The following DEGS1 variants were observed in gnomAD, a reference collection of about 807,000 sequenced individuals.
DEGS1 encodes delta 4-desaturase, sphingolipid 1.
Under a neutral mutation model 24.1 loss-of-function variants are expected in DEGS1, and 17 were observed. That is an observed-to-expected ratio of 0.70 (90% CI 0.48 to 1.06). The LOEUF (loss-of-function observed/expected upper bound fraction) is 1.06, where lower values mean the gene tolerates loss of function less well. Ranked by LOEUF, DEGS1 falls within the 50% of genes least tolerant of loss-of-function variation. The pLI, the probability that DEGS1 is intolerant of heterozygous loss-of-function variation, is 0.00. For missense variants in DEGS1, 366 were observed against 408.9 expected (o/e 0.90, Z 0.91); for synonymous variants, 134 against 140.0 (o/e 0.96, Z 0.30).
In DEGS1 at chr1:224,190,166, A is replaced by G. The variant is rs1203256165; in HGVS notation, c.672A>G (p.Pro224=). The G allele has an allele frequency of 6.3e-6, 10 of 1,591,410 alleles. No homozygotes were observed. The highest frequency in any genetic ancestry group is 8.5e-6 in the Non-Finnish European group (10 of 1,170,112). The change falls in exon 2 of 3, where the codon CCA becomes CCG. Residue 224 remains proline, a synonymous_variant. Coordinates refer to ENST00000323699, the MANE Select transcript of DEGS1 (RefSeq NM_003676.4). ...AASLLGLGLH[P]ISGHFIAEHY... Reference sequence around the variant, plus strand: ...CTTTACTTGGCCTGGGTTTGCACCCAATTTCTGGACATTTTATAGCTGAGC... The same window carrying G: ...CTTTACTTGGCCTGGGTTTGCACCCGATTTCTGGACATTTTATAGCTGAGC...
At chr1:224,191,590 C>CTTTTT (rs748181749) in intron 2 of DEGS1, among the ~76,000 whole-genome samples, 32 of 53,316 alleles carry the variant, frequency 6.0e-4, no homozygotes, top group East Asian at 2.0e-3. Flanking sequence ...TTGATAAGTG[C>CTTTTT]TTTTTTTTTT....
At chr1:224,185,652 C>T (rs1658365579) in intron 1 of DEGS1, among the ~76,000 whole-genome samples, 1 of 152,192 alleles carries the variant, frequency 6.6e-6, no homozygotes, top group Non-Finnish European at 1.5e-5. Flanking sequence ...AGACGCCCGC[C>T]ACCATACCTG....
intron 1 of DEGS1, among the ~76,000 whole-genome samples, chr1:224,185,994 T>A (rs923979536): frequency 6.6e-6 from 1 of 151,936 alleles, no homozygotes; most frequent in Non-Finnish European, 1.5e-5. Context: ...TGAGGCCAGT[T>A]CAGAACAGCC....
At chr1:224,185,980 C>T (rs1438939871) in intron 1 of DEGS1, among the ~76,000 whole-genome samples, 1 of 151,870 alleles carries the variant, frequency 6.6e-6, no homozygotes, top group East Asian at 1.9e-4. Flanking sequence ...GCAAGAAGAT[C>T]GCTTGAGGCC....
chr1:224,183,964 C>A (rs1658308503), intron 1 of DEGS1: 1 of 152,754 alleles, frequency 6.5e-6, no homozygotes, highest in South Asian at 2.1e-4. Flanking sequence ...CGGCCGCAGT[C>A]CCGGCCTTGG....
At position 224,190,255 on chromosome 1, in the gene DEGS1, T is replaced by C. The variant is rs764668129; in HGVS notation, c.761T>C (p.Phe254Ser). 6.6e-7 allele frequency: 1 copy of C among 1,513,850 alleles called. No individual in the cohort carries two copies. Among genetic ancestry groups the C allele is most frequent in the South Asian group, 1.4e-5 (1 of 72,568 alleles). 93.8% of individuals were successfully genotyped at this position (1,513,850 alleles called of 1,614,324 possible). The part of the protein sequence containing the change: ...SYYGPLNLLT[F>S]NVGYHNEHHD... ...TATGGGCCTCTGAATTTACTTACCT[T>C]CAATGTGGGTTATCATAATGAACAT... Residue 254 changes from phenylalanine to serine, a missense_variant, in exon 2 of 3, where the codon TTC (phenylalanine) becomes TCC (serine). Phe to Ser is a radical substitution (Grantham distance 155). Coordinates refer to ENST00000323699, the MANE Select transcript of DEGS1 (RefSeq NM_003676.4).
At position 224,189,699 on chromosome 1, in the gene DEGS1, G is replaced by A. The variant is rs576256137; in HGVS notation, c.205G>A (p.Val69Ile). ...AGTAAAAGACTTGGACTGGAAATGGGTCATATTTGGGGCCTATGCGTTTGG... is the reference window on the plus strand; with the variant it reads ...AGTAAAAGACTTGGACTGGAAATGGATCATATTTGGGGCCTATGCGTTTGG... ...YIVKDLDWKW[V>I]IFGAYAFGSC... Residue 69 changes from valine (V) to isoleucine (I), a missense_variant, in exon 2 of 3, where the codon GTC (valine) becomes ATC (isoleucine). By Grantham distance (29) the Val-to-Ile change is conservative. Transcript: ENST00000323699. 2.5e-6 allele frequency: 4 copies of A among 1,614,174 alleles called. No homozygotes were observed. The South Asian group carries it at 3.3e-5, about 13-fold the overall frequency.
chr1:224,189,825 T>A lies in DEGS1; in HGVS notation c.331T>A (p.Phe111Ile). Residue 111 changes from phenylalanine to isoleucine, a missense_variant, in exon 2 of 3, where the codon TTT (phenylalanine) becomes ATT (isoleucine). Coordinates refer to ENST00000323699, the MANE Select transcript of DEGS1 (RefSeq NM_003676.4). ...KAMWNRWFGM[F>I]ANLPIGIPYS... Reference sequence around the variant, plus strand: ...AATGTGGAATCGCTGGTTTGGAATGTTTGCTAATCTTCCTATTGGGATTCC... The same window carrying A: ...AATGTGGAATCGCTGGTTTGGAATGATTGCTAATCTTCCTATTGGGATTCC... The A allele has an allele frequency of 6.2e-7, 1 of 1,614,200 alleles. No homozygotes were observed. Among genetic ancestry groups the A allele is most frequent in the South Asian group, 1.1e-5 (1 of 91,088 alleles).
chr1:224,190,361 A>C (rs772699985), intron 2 of DEGS1, 42 bp downstream of exon 2: 6 of 1,439,250 alleles, frequency 4.2e-6, no homozygotes, highest in Non-Finnish European at 5.5e-6. Flanking sequence ...TTGTTTTTTC[A>C]TTTGTTTGTT....
intron 1 of DEGS1, among the ~76,000 whole-genome samples, chr1:224,186,557 C>T (rs1299733644): frequency 6.6e-6 from 1 of 151,766 alleles, no homozygotes; most frequent in Non-Finnish European, 1.5e-5. Context: ...ACTAAAAATA[C>T]AAAAAATTAG....
chr1:224,183,742 C>T (rs912131374), intron 1 of DEGS1: 1 of 229,784 alleles, frequency 4.4e-6, no homozygotes, highest in African/African-American at 2.3e-5. Flanking sequence ...CTGTGCCAGC[C>T]TTGAGTAGAT....
At chr1:224,187,616 A>G (rs1658430406) in intron 1 of DEGS1, among the ~76,000 whole-genome samples, 1 of 152,050 alleles carries the variant, frequency 6.6e-6, no homozygotes, top group African/African-American at 2.4e-5. Flanking sequence ...CAGCCTCCCA[A>G]AGTGCTGGAT....
At chr1:224,192,306 A>G (rs754047667) in intron 2 of DEGS1, 26 bp from the exon 3 acceptor site, 3 of 1,597,782 alleles carry the variant, frequency 1.9e-6, no homozygotes, top group African/African-American at 1.4e-5. Flanking sequence ...CTCATTTTTC[A>G]TCTTGCTGTA....
chr1:224,193,224 G>A lies in DEGS1; in HGVS notation c.*746G>A, dbSNP rs1486041183. Reference sequence around the variant, plus strand: ...TTTATACTATATAATATGGTAACTTGGGTACCGGGGGAACTTTAAAATTTC... The same window carrying A: ...TTTATACTATATAATATGGTAACTTAGGTACCGGGGGAACTTTAAAATTTC... On this transcript the variant is annotated 3_prime_UTR_variant, in exon 3 of 3. Transcript: ENST00000323699. 2 of 151,922 alleles carry A rather than the reference G, an allele frequency of 1.3e-5. No individual in the cohort carries two copies. Among genetic ancestry groups the A allele is most frequent in the East Asian group, 3.9e-4 (2 of 5,182 alleles). The allele number at this position is 151,922 out of a possible 1,614,324, so 9.4% of individuals were successfully genotyped here.
At chr1:224,184,291 A>G (rs1658317739) in intron 1 of DEGS1, among the ~76,000 whole-genome samples, 1 of 152,150 alleles carries the variant, frequency 6.6e-6, no homozygotes, top group Non-Finnish European at 1.5e-5. Flanking sequence ...GGCTACTCCT[A>G]ATATGCTAGG....
intron 2 of DEGS1, 120 bp from the exon 3 acceptor site, chr1:224,192,212 G>A: frequency 2.8e-6 from 2 of 714,622 alleles, no homozygotes; most frequent in Non-Finnish European, 4.3e-6. Context: ...TTTTAAGAGA[G>A]AGGAGGGAGG....
chr1:224,184,633 TC>T (rs1658330041), intron 1 of DEGS1, among the ~76,000 whole-genome samples: 2 of 152,108 alleles, frequency 1.3e-5, no homozygotes, highest in Admixed American at 1.3e-4. Flanking sequence ...TGTCTCAGCC[TC>T]CCGAGTAGCT....
Position 224,192,637 on chromosome 1 carries a change from A to G in DEGS1, c.*159A>G, listed in dbSNP as rs1038747033. ...CAAGAAGTGAATCTGGCTTTTAAAC[A>G]GTCAGCCTGACTCTGTACTGCTCAG... On this transcript the variant is annotated 3_prime_UTR_variant, in exon 3 of 3. Coordinates refer to ENST00000323699, the MANE Select transcript of DEGS1 (RefSeq NM_003676.4). The G allele has an allele frequency of 1.1e-5, 7 of 662,020 alleles. No homozygotes were observed. The African/African-American group carries it at 1.3e-4, about 12-fold the overall frequency. The allele number at this position is 662,020 out of a possible 1,614,324, so 41.0% of individuals were successfully genotyped here. A position where few individuals can be genotyped will look rare whatever the true frequency, so the allele number is the denominator to read the frequency against.
intron 1 of DEGS1, among the ~76,000 whole-genome samples, chr1:224,185,173 G>A (rs1010025099): frequency 6.6e-6 from 1 of 152,020 alleles, no homozygotes; most frequent in Non-Finnish European, 1.5e-5. Flanking sequence ...TCTATTTTTT[G>A]TAGAGATGGG....
Sources: gnomAD v4.1 joint callset for allele counts (sites outside exome capture counted in the v4.1 genomes callset) on GRCh38, gnomAD v4.1.1 for gene constraint, MANE v1.5 for transcripts, NCBI Gene and HGNC (gene_info 2026-07-23, HGNC 2026-07-21) for gene names.